Variants in NYAP2 observed in about 807,000 individuals in gnomAD.
NYAP2 encodes neuronal tyrosine-phosphorylated phosphoinositide-3-kinase adapter 2.
Under a neutral mutation model 50.4 loss-of-function variants are expected in NYAP2, and 23 were observed. The ratio of observed to expected loss-of-function variants is 0.46; its 90% confidence interval spans 0.33 to 0.65. The LOEUF (loss-of-function observed/expected upper bound fraction) is 0.65, where lower values mean the gene tolerates loss of function less well. NYAP2 is among the 30% of genes least tolerant of loss of function. NYAP2 has a pLI of 0.02. For synonymous variants in NYAP2, 394 were observed against 365.2 expected (o/e 1.08, Z -0.90); for missense variants, 885 against 861.0 (o/e 1.03, Z -0.35).
At chr2:225,492,510 G>T (rs1574641940) in intron 3 of NYAP2, among the ~76,000 whole-genome samples, 1 of 152,230 alleles carries the variant, frequency 6.6e-6, no homozygotes, top group East Asian at 1.9e-4. Flanking sequence ...AAATGTAAAG[G>T]GCTCTGATAA....
intron 3 of NYAP2, among the ~76,000 whole-genome samples, chr2:225,471,112 TG>T (rs1443244277): frequency 1.3e-5 from 2 of 152,224 alleles, no homozygotes; most frequent in Non-Finnish European, 2.9e-5. Context: ...CCATTGTTTG[TG>T]GAAATGAAAC....
chr2:225,506,928 C>G (rs1411543668), intron 3 of NYAP2, among the ~76,000 whole-genome samples: 1 of 151,718 alleles, frequency 6.6e-6, no homozygotes, highest in Non-Finnish European at 1.5e-5. Flanking sequence ...AAATTTAACA[C>G]AAAAAATCCC....
chr2:225,446,242 CTCTCTATATATATATATATATATATA>C (rs1689558230), intron 3 of NYAP2, among the ~76,000 whole-genome samples: 1 of 110,292 alleles, frequency 9.1e-6, no homozygotes, highest in African/African-American at 3.4e-5. Flanking sequence ...CTCTCTCTCT[CTCTCTATATATATATATATATATATA>C]TATATATATA....
chr2:225,438,511 G>A lies in NYAP2; in HGVS notation c.221+29410G>A, dbSNP rs370758985. Among the ~76,000 whole-genome samples, 119 of 152,302 alleles carry A rather than the reference G, an allele frequency of 7.8e-4. No individual in the cohort carries two copies. In the South Asian group the frequency reaches 0.021, roughly 27 times the overall value. On this transcript the variant is annotated intron_variant, in intron 3 of 6. Transcript: ENST00000636099. ...CTGCTGCTGTTCAATAGCACTTTGC[G>A]TTGATTTAATTTCCAAAGATAAAAA...
intron 3 of NYAP2, among the ~76,000 whole-genome samples, chr2:225,413,584 T>TA (rs1159580577): frequency 5.9e-5 from 9 of 152,114 alleles, no homozygotes; most frequent in Admixed American, 3.9e-4. Context: ...ATGTTCTTAA[T>TA]TAAAAAAATG....
chr2:225,683,744 A>G, the NYAP2 span, among the ~76,000 whole-genome samples: 1 of 152,162 alleles, frequency 6.6e-6, no homozygotes, highest in Non-Finnish European at 1.5e-5. Flanking sequence ...GCCATAAAAG[A>G]GAGCAAGATG....
chr2:225,572,296 G>A (rs1039853724), intron 4 of NYAP2, among the ~76,000 whole-genome samples: 12 of 152,148 alleles, frequency 7.9e-5, no homozygotes, highest in Admixed American at 3.3e-4. Flanking sequence ...CCAATTTACT[G>A]TATTAATCTG....
the NYAP2 span, among the ~76,000 whole-genome samples, chr2:225,688,758 T>C: frequency 6.6e-6 from 1 of 152,220 alleles, no homozygotes; most frequent in Non-Finnish European, 1.5e-5. Context: ...TCTGTCTATT[T>C]TTGAGATGGA....
chr2:225,611,997 T>C (rs1692895420), intron 5 of NYAP2, among the ~76,000 whole-genome samples: 1 of 151,322 alleles, frequency 6.6e-6, no homozygotes, highest in South Asian at 2.1e-4. Context: ...AGTAAACTGC[T>C]GAAGCCAGTT....
Position 225,493,362 on chromosome 2 carries a change from T to G in NYAP2, c.222-20009T>G, listed in dbSNP as rs149737513. Among the ~76,000 whole-genome samples, 662 of 152,358 alleles carry G rather than the reference T, an allele frequency of 4.3e-3. 5 individuals carry two copies. The highest frequency in any genetic ancestry group is 0.015 in the African/African-American group (630 of 41,586). ...AAGCCTACGTTAGTGAATAGTGATG[T>G]TGCCATTCACTGCCTCAGCAAGAAG... On this transcript the variant is annotated intron_variant, in intron 3 of 6. Coordinates refer to ENST00000636099, the Ensembl canonical transcript of NYAP2.
At chr2:225,468,570 C>T (rs747205524) in intron 3 of NYAP2, among the ~76,000 whole-genome samples, 2 of 152,054 alleles carry the variant, frequency 1.3e-5, no homozygotes, top group Non-Finnish European at 2.9e-5. Flanking sequence ...GAAGAATTGG[C>T]ATTCAGATTA....
chr2:225,607,403 T>C (rs72978543), intron 5 of NYAP2, among the ~76,000 whole-genome samples: 2 of 152,214 alleles, frequency 1.3e-5, no homozygotes, highest in Non-Finnish European at 2.9e-5. Context: ...AGAACCAATC[T>C]AACATGACAT....
At chr2:225,659,418 C>T in the NYAP2 span, among the ~76,000 whole-genome samples, 1 of 152,166 alleles carries the variant, frequency 6.6e-6, no homozygotes, top group Non-Finnish European at 1.5e-5. Flanking sequence ...CGGAGCATGC[C>T]TGCATCATTG....
intron 3 of NYAP2, among the ~76,000 whole-genome samples, chr2:225,409,684 C>CTA (rs1559172491): frequency 6.6e-6 from 1 of 152,104 alleles, no homozygotes; most frequent in African/African-American, 2.4e-5. Flanking sequence ...CTACCAGCTA[C>CTA]TAGCTGGTGA....
intron 3 of NYAP2, among the ~76,000 whole-genome samples, chr2:225,447,003 T>C (rs1442154288): frequency 1.3e-5 from 2 of 150,170 alleles, no homozygotes; most frequent in Non-Finnish European, 3.0e-5. Context: ...AGCCAAGCAG[T>C]TTTATAGACT....
intron 4 of NYAP2, among the ~76,000 whole-genome samples, chr2:225,546,476 C>T (rs776069507): frequency 3.3e-5 from 5 of 152,036 alleles, no homozygotes; most frequent in African/African-American, 7.2e-5. Flanking sequence ...AACCACAGAT[C>T]CACATGGTGG....
At chr2:225,573,391 A>G (rs1458454299) in intron 4 of NYAP2, among the ~76,000 whole-genome samples, 2 of 151,406 alleles carry the variant, frequency 1.3e-5, no homozygotes, top group Non-Finnish European at 2.9e-5. Flanking sequence ...AGCTGGGATT[A>G]CAGGTGCCTG....
rs763911939 is a variant in NYAP2, at chr2:225,627,126, G to C, written c.1828G>C (p.Glu610Gln). 18 of 1,577,880 alleles carry C rather than the reference G, an allele frequency of 1.1e-5. No homozygotes were observed. The South Asian group carries it at 2.1e-4, about 18-fold the overall frequency. The change falls in exon 6 of 7, where the codon GAG (glutamate) becomes CAG (glutamine). Residue 610 changes from glutamate to glutamine, a missense_variant and splice_region_variant. Glu to Gln is a conservative substitution (Grantham distance 29). Transcript: ENST00000636099. ...CTTGTTAGCGGGAAACCACAGTTCAGGTAAGGCAGATTATGATCTTCCAGA... is the reference window on the plus strand; with the variant it reads ...CTTGTTAGCGGGAAACCACAGTTCACGTAAGGCAGATTATGATCTTCCAGA...
intron 3 of NYAP2, among the ~76,000 whole-genome samples, chr2:225,433,171 G>A (rs1689297016): frequency 6.6e-6 from 1 of 151,932 alleles, no homozygotes; most frequent in African/African-American, 2.4e-5. Flanking sequence ...TTCATTAATT[G>A]TCTAATTATG....
Sources: gnomAD v4.1 joint callset for allele counts (sites outside exome capture counted in the v4.1 genomes callset) on GRCh38, gnomAD v4.1.1 for gene constraint, MANE v1.5 for transcripts, NCBI Gene and HGNC (gene_info 2026-07-23, HGNC 2026-07-21) for gene names.